The following PLS3 variants were observed in gnomAD, a reference collection of about 807,000 sequenced individuals.
PLS3 encodes the protein plastin-3.
A neutral mutation model predicts 46.5 loss-of-function variants in PLS3; 11 were observed. The ratio of observed to expected loss-of-function variants is 0.24; its 90% CI spans 0.15 to 0.39. The LOEUF is 0.39. Among genes scored for constraint, PLS3 ranks in the 10% least tolerant of loss-of-function variants. The probability of loss-of-function intolerance (pLI) is 1.00; values close to 1 mark genes in which losing one functional copy is unlikely to be tolerated. For synonymous variants in PLS3, 167 were observed against 162.2 expected (o/e 1.03, Z -0.22); for missense variants, 308 against 461.8 (o/e 0.67, Z 3.05).
At chrX:115,631,651 T>C (rs1404114508) in intron 5 of PLS3, among the ~76,000 whole-genome samples, 1 of 111,076 alleles carries the variant, frequency 9.0e-6, no homozygotes, top group Non-Finnish European at 1.9e-5. Flanking sequence ...GAGGATCACT[T>C]GAGCCCAGGA....
At chrX:115,577,826 T>C (rs1423913603) in intron 1 of PLS3, among the ~76,000 whole-genome samples, 1 of 111,290 alleles carries the variant, frequency 9.0e-6, no homozygotes, top group African/African-American at 3.3e-5. Flanking sequence ...AGAGTCAGTG[T>C]TTCCTCTCTG....
rs190322318 is a variant in PLS3, at chrX:115,584,532, T to G, written c.-9+23272T>G. Reference sequence around the variant, plus strand: ...AAATCTAGTTCAAGAAGCTAGAAGCTGATAAGTAAAGTAAATATTTTATTC... The same window carrying G: ...AAATCTAGTTCAAGAAGCTAGAAGCGGATAAGTAAAGTAAATATTTTATTC... On this transcript the variant is annotated intron_variant, in intron 1 of 15. Coordinates refer to ENST00000355899, the MANE Select transcript of PLS3 (RefSeq NM_005032.7). Among the ~76,000 whole-genome samples, 258 of 112,179 alleles carry G rather than the reference T, an allele frequency of 2.3e-3. 1 individual carries two copies. The highest frequency in any genetic ancestry group is 9.3e-3 in the Middle Eastern group (2 of 216).
At chrX:115,630,685 A>T (rs1052997386) in intron 5 of PLS3, among the ~76,000 whole-genome samples, 1 of 96,519 alleles carries the variant, frequency 1.0e-5, no homozygotes, top group Non-Finnish European at 2.0e-5. Context: ...TATATATATA[A>T]AATATATACA....
intron 1 of PLS3, among the ~76,000 whole-genome samples, chrX:115,609,183 TC>T (rs781889313): frequency 9.0e-6 from 1 of 111,229 alleles, no homozygotes; most frequent in Admixed American, 9.7e-5. Flanking sequence ...TTTTCATTTT[TC>T]TTTGTCCAAA....
chrX:115,628,462 A>C (rs1006314443), intron 3 of PLS3, among the ~76,000 whole-genome samples: 1 of 112,207 alleles, frequency 8.9e-6, no homozygotes, highest in Non-Finnish European at 1.9e-5. Flanking sequence ...TGGATCAGGA[A>C]CACATTTGGA....
At chrX:115,596,606 G>A (rs1556633906) in intron 1 of PLS3, among the ~76,000 whole-genome samples, 1 of 111,512 alleles carries the variant, frequency 9.0e-6, no homozygotes, top group Admixed American at 9.6e-5. Context: ...GGAGGCCTAG[G>A]TGGGCAGATC....
rs1556641247 is a variant in PLS3, at chrX:115,643,296, C to T, written c.988-17C>T. 7 of 1,122,075 alleles carry T rather than the reference C, an allele frequency of 6.2e-6. No individual in the cohort carries two copies. The highest frequency in any genetic ancestry group is 8.5e-6 in the Non-Finnish European group (7 of 820,354). The allele number at this position is 1,122,075 out of a possible 1,213,427, so 92.5% of individuals were successfully genotyped here. On this transcript the variant is annotated splice_polypyrimidine_tract_variant and intron_variant, in intron 9 of 15. Transcript: ENST00000355899. ...TAGTGTGGCCTTTGACAAAGTCTTCCGATTTTGTTTCAACAGGAAACAGAT... is the reference window on the plus strand; with the variant it reads ...TAGTGTGGCCTTTGACAAAGTCTTCTGATTTTGTTTCAACAGGAAACAGAT...
intron 4 of PLS3, 80 bp from the exon 5 acceptor site, chrX:115,629,755 A>C: frequency 1.6e-6 from 1 of 642,816 alleles, no homozygotes; most frequent in Non-Finnish European, 2.4e-6. Flanking sequence ...GCACTACTGC[A>C]CAACTATTTT....
chrX:115,570,639 G>T (rs1035596688), intron 1 of PLS3, among the ~76,000 whole-genome samples: 5 of 107,464 alleles, frequency 4.7e-5, no homozygotes, highest in Non-Finnish European at 7.7e-5. Context: ...CGAGTAGCTG[G>T]GATTACAGGC....
At chrX:115,630,263 G>A (rs1363472606) in intron 5 of PLS3, among the ~76,000 whole-genome samples, 1 of 110,777 alleles carries the variant, frequency 9.0e-6, no homozygotes, top group East Asian at 2.8e-4. Flanking sequence ...TTATTCTAAA[G>A]TACCACAGCT....
chrX:115,622,010 A>G lies in PLS3; in HGVS notation c.74-236A>G, dbSNP rs114536525. On this transcript the variant is annotated intron_variant, in intron 2 of 15. Coordinates refer to ENST00000355899, the MANE Select transcript of PLS3 (RefSeq NM_005032.7). ...CAACTATGCTTCCTTGAACTTAGGG[A>G]TGCTCTTTTTAAGTAAATCTACTTA... 5,265 of 317,733 alleles carry G rather than the reference A, an allele frequency of 0.017. 238 individuals carry two copies. Among genetic ancestry groups the G allele is most frequent in the African/African-American group, 0.13 (4,719 of 36,227 alleles). The allele number at this position is 317,733 out of a possible 1,213,427, so 26.2% of individuals were successfully genotyped here. A position where few individuals can be genotyped will look rare whatever the true frequency, so the allele number is the denominator to read the frequency against.
chrX:115,586,096 C>G (rs1450104823), intron 1 of PLS3, among the ~76,000 whole-genome samples: 1 of 108,241 alleles, frequency 9.2e-6, no homozygotes, highest in East Asian at 3.0e-4. Flanking sequence ...AAGCCATTCT[C>G]CTGCCTCAGC....
In PLS3 at chrX:115,650,715, A is replaced by G. The variant is rs1041153844; in HGVS notation, c.*1154A>G. 8.9e-6 allele frequency: 1 copy of G among 111,964 alleles called. No homozygotes were observed. Among genetic ancestry groups the G allele is most frequent in the African/African-American group, 3.2e-5 (1 of 30,786 alleles). The allele number at this position is 111,964 out of a possible 1,213,427, so 9.2% of individuals were successfully genotyped here. On this transcript the variant is annotated 3_prime_UTR_variant, in exon 16 of 16. Transcript: ENST00000355899. ...CTTTTGTCTCTTAGGAAGTATGCCA[A>G]TGTTTGTCAGGATTTTTTTCTTTTT...
At chrX:115,649,283 A>G in intron 15 of PLS3, 146 bp from the exon 16 acceptor site, 1 of 409,639 alleles carries the variant, frequency 2.4e-6, no homozygotes, top group Non-Finnish European at 3.9e-6. Flanking sequence ...TCAAAAGAAA[A>G]CAAAAAGCAA....
intron 1 of PLS3, among the ~76,000 whole-genome samples, chrX:115,563,478 A>G (rs1249741083): frequency 9.0e-6 from 1 of 111,052 alleles, no homozygotes; most frequent in Non-Finnish European, 1.9e-5. Context: ...TTGGCTATTC[A>G]GATTATATAT....
chrX:115,624,183 T>G (rs1292101895), intron 3 of PLS3, among the ~76,000 whole-genome samples: 3 of 97,678 alleles, frequency 3.1e-5, no homozygotes, highest in Admixed American at 1.2e-4. Flanking sequence ...GAGCCAAGAT[T>G]GTGCCACTGC....
At chrX:115,575,118 C>T (rs1438014155) in intron 1 of PLS3, among the ~76,000 whole-genome samples, 1 of 111,863 alleles carries the variant, frequency 8.9e-6, no homozygotes, top group Non-Finnish European at 1.9e-5. Flanking sequence ...TATTTTGTGA[C>T]TAGTTTCTTT....
rs373843614 is a variant in PLS3, at chrX:115,633,652, G to T, written c.501-348G>T. 2.7e-5 allele frequency among the ~76,000 whole-genome samples: 3 copies of T among 109,512 alleles called. No individual in the cohort carries two copies. In the South Asian group the frequency reaches 1.2e-3, roughly 43 times the overall value. ...ACTACAGGCACATGCCACCATGCCC[G>T]GCTAATTTTTTTATCGTTTTTGTAG... On this transcript the variant is annotated intron_variant, in intron 5 of 15. Transcript: ENST00000355899.
At chrX:115,583,711 G>A (rs2074291796) in intron 1 of PLS3, among the ~76,000 whole-genome samples, 1 of 112,273 alleles carries the variant, frequency 8.9e-6, no homozygotes, top group Non-Finnish European at 1.9e-5. Flanking sequence ...AACTGACGAG[G>A]TTAATCTTAG....
Sources: gnomAD v4.1 joint callset for allele counts (sites outside exome capture counted in the v4.1 genomes callset) on GRCh38, gnomAD v4.1.1 for gene constraint, MANE v1.5 for transcripts, NCBI Gene and HGNC (gene_info 2026-07-23, HGNC 2026-07-21) for gene names.